The following CNTN5 variants were observed in gnomAD, a reference collection of about 807,000 sequenced individuals.
The protein encoded by CNTN5 is contactin-5.
A neutral mutation model predicts 129.1 loss-of-function variants in CNTN5; 77 were observed. The ratio of observed to expected loss-of-function variants is 0.60; its 90% CI spans 0.50 to 0.72. The LOEUF (loss-of-function observed/expected upper bound fraction) is 0.72. Ranked by LOEUF, CNTN5 falls within the 30% of genes least tolerant of loss-of-function variation. The pLI is 0.00. For synonymous variants in CNTN5, 509 were observed against 465.6 expected, an observed-to-expected ratio of 1.09 and a Z score of -1.20; for missense variants, 1,478 against 1,328.8, an observed-to-expected ratio of 1.11 and a Z score of -1.75.
At chr11:99,069,425 C>T (rs1865240658) in intron 1 of CNTN5, among the ~76,000 whole-genome samples, 1 of 151,984 alleles carries the variant, frequency 6.6e-6, no homozygotes, top group African/African-American at 2.4e-5. Flanking sequence ...TCAATTTTTC[C>T]TCGAAGTTGC....
chr11:100,272,528 A>C (rs1950424913), intron 18 of CNTN5, among the ~76,000 whole-genome samples: 1 of 151,920 alleles, frequency 6.6e-6, no homozygotes, highest in South Asian at 2.1e-4. Flanking sequence ...GAAGGGAGGG[A>C]GGGAAAAGAA....
intron 6 of CNTN5, among the ~76,000 whole-genome samples, chr11:99,906,337 T>C (rs1156823123): frequency 6.6e-6 from 1 of 152,202 alleles, no homozygotes; most frequent in Non-Finnish European, 1.5e-5. Context: ...TGAGAGTTTT[T>C]AGCATGAAGG....
intron 3 of CNTN5, among the ~76,000 whole-genome samples, chr11:99,789,713 C>T (rs1945670096): frequency 6.6e-6 from 1 of 151,946 alleles, no homozygotes; most frequent in African/African-American, 2.4e-5. Context: ...GTCTTCCACC[C>T]ATGAAGTTAT....
chr11:99,412,739 G>A (rs1007518178), intron 2 of CNTN5, among the ~76,000 whole-genome samples: 1 of 152,056 alleles, frequency 6.6e-6, no homozygotes, highest in Non-Finnish European at 1.5e-5. Context: ...TCACCACAAC[G>A]TTATAGTGCA....
chr11:99,808,604 A>G (rs1043147615), intron 3 of CNTN5, among the ~76,000 whole-genome samples: 1 of 152,132 alleles, frequency 6.6e-6, no homozygotes, highest in Non-Finnish European at 1.5e-5. Context: ...GAAAAAAATC[A>G]CTCGGGGACT....
rs988327371 is a variant in CNTN5, at chr11:100,162,698, C to T, written c.1581-28428C>T. ...ACATCAAAAATGTGGCAGAAACAAA[C>T]GAGAGAACTGAAGAGTTGAAACTTG... On this transcript the variant is annotated intron_variant, in intron 13 of 24. Transcript: ENST00000524871. 2.8e-4 allele frequency among the ~76,000 whole-genome samples: 43 copies of T among 151,862 alleles called. No homozygotes were observed. In the East Asian group the frequency reaches 3.5e-3, roughly 12 times the overall value.
At chr11:99,409,422 C>G (rs969288052) in intron 2 of CNTN5, among the ~76,000 whole-genome samples, 1 of 152,084 alleles carries the variant, frequency 6.6e-6, no homozygotes, top group East Asian at 1.9e-4. Context: ...AAGCAAAGCC[C>G]GTGCTACTGC....
At chr11:99,746,296 A>G (rs939157204) in intron 3 of CNTN5, among the ~76,000 whole-genome samples, 1 of 152,126 alleles carries the variant, frequency 6.6e-6, no homozygotes, top group Non-Finnish European at 1.5e-5. Flanking sequence ...CTGCTTGTGG[A>G]TATCTAGTTT....
intron 4 of CNTN5, among the ~76,000 whole-genome samples, chr11:99,835,946 T>G (rs905157204): frequency 2.6e-5 from 4 of 152,030 alleles, no homozygotes; most frequent in African/African-American, 9.7e-5. Context: ...GGTTGTTGGA[T>G]CTTATGCAAG....
intron 7 of CNTN5, among the ~76,000 whole-genome samples, chr11:99,919,065 C>A (rs1484111592): frequency 1.3e-5 from 2 of 152,114 alleles, no homozygotes; most frequent in East Asian, 1.9e-4. Flanking sequence ...GGATAAAAAC[C>A]CCTTCCTGCC....
At chr11:100,265,824 C>T (rs1565383415) in intron 17 of CNTN5, among the ~76,000 whole-genome samples, 1 of 152,122 alleles carries the variant, frequency 6.6e-6, no homozygotes, top group African/African-American at 2.4e-5. Context: ...ATCTCACTTG[C>T]AGACCTCTTT....
At chr11:99,311,357 A>G (rs1865108250) in intron 1 of CNTN5, among the ~76,000 whole-genome samples, 1 of 152,128 alleles carries the variant, frequency 6.6e-6, no homozygotes, top group Admixed American at 6.5e-5. Context: ...ATAAGGGGTT[A>G]TTGTTCTACA....
At chr11:99,464,273 C>T (rs1944849412) in intron 2 of CNTN5, among the ~76,000 whole-genome samples, 1 of 152,122 alleles carries the variant, frequency 6.6e-6, no homozygotes, top group African/African-American at 2.4e-5. Context: ...AATTAAACAG[C>T]TGTTCCATCC....
At chr11:99,229,062 A>C (rs1427983678) in intron 1 of CNTN5, among the ~76,000 whole-genome samples, 2 of 151,972 alleles carry the variant, frequency 1.3e-5, no homozygotes, top group South Asian at 4.1e-4. Context: ...TATTTTTTGC[A>C]TTATTAGTAT....
At chr11:99,790,277 C>T (rs10893902) in intron 3 of CNTN5, among the ~76,000 whole-genome samples, 24,143 of 151,950 alleles carry the variant, frequency 0.16, 2,030 homozygotes, top group Non-Finnish European at 0.17. Flanking sequence ...TATTCCTCCA[C>T]CCAGGTAATA....
At chr11:99,582,265 C>T (rs1244069053) in intron 3 of CNTN5, among the ~76,000 whole-genome samples, 2 of 152,144 alleles carry the variant, frequency 1.3e-5, no homozygotes, top group Non-Finnish European at 2.9e-5. Flanking sequence ...AACATTTTTT[C>T]CTTCATTTCA....
At chr11:99,249,606 TA>T (rs746859767) in intron 1 of CNTN5, among the ~76,000 whole-genome samples, 50 of 152,146 alleles carry the variant, frequency 3.3e-4, no homozygotes, top group Non-Finnish European at 4.9e-4. Context: ...TCTAGGTTTT[TA>T]AAAAGGGTAT....
intron 1 of CNTN5, among the ~76,000 whole-genome samples, chr11:99,294,486 C>T (rs986042144): frequency 6.6e-6 from 1 of 152,028 alleles, no homozygotes; most frequent in Non-Finnish European, 1.5e-5. Flanking sequence ...TATAATAAAA[C>T]CAGTAATATA....
chr11:99,032,204 G>C (rs1461570765), intron 1 of CNTN5, among the ~76,000 whole-genome samples: 2 of 152,016 alleles, frequency 1.3e-5, no homozygotes, highest in Non-Finnish European at 2.9e-5. Flanking sequence ...CTTTGCTATT[G>C]TGAATAATGC....
Sources: gnomAD v4.1 joint callset for allele counts (sites outside exome capture counted in the v4.1 genomes callset) on GRCh38, gnomAD v4.1.1 for gene constraint, MANE v1.5 for transcripts, NCBI Gene and HGNC (gene_info 2026-07-23, HGNC 2026-07-21) for gene names.